RNF215: variants seen among roughly 807,000 people sequenced by gnomAD.
The protein encoded by RNF215 is ring finger protein 215.
A neutral mutation model predicts 44.8 loss-of-function variants in RNF215; 41 were observed. The observed-to-expected ratio is 0.92, with a 90% CI of 0.71 to 1.19. The LOEUF is 1.19. Ranked by LOEUF, RNF215 falls within the 50% of genes most tolerant of loss-of-function variation. The pLI, the probability that RNF215 is intolerant of heterozygous loss-of-function variation, is 0.00. For missense variants in RNF215, 452 were observed against 496.2 expected, an observed-to-expected ratio of 0.91 and a Z score of 0.85; for synonymous variants, 218 against 230.1, an observed-to-expected ratio of 0.95 and a Z score of 0.48.
chr22:30,387,349 AG>A lies in RNF215; in HGVS notation c.-37del. On this transcript the variant is annotated 5_prime_UTR_variant, in exon 1 of 9. Coordinates refer to ENST00000382363, the MANE Select transcript of RNF215 (RefSeq NM_001017981.2). ...GGCGAGCTGGCCCAACAGTGGGGCC[AG>A]GGGTCCCGGGCGCGGGGGGGATCGG... The A allele has an allele frequency of 9.7e-7, 1 of 1,034,678 alleles. No homozygotes were observed. Among genetic ancestry groups the A allele is most frequent in the Non-Finnish European group, 1.2e-6 (1 of 863,540 alleles). 64.1% of individuals were successfully genotyped at this position (1,034,678 alleles called of 1,614,324 possible). A position where few individuals can be genotyped will look rare whatever the true frequency, so the allele number is the denominator to read the frequency against.
chr22:30,387,308 G>T lies in RNF215; in HGVS notation c.6C>A (p.Gly2=). 1 of 1,064,444 alleles carries T rather than the reference G, an allele frequency of 9.4e-7. No homozygotes were observed. The highest frequency in any genetic ancestry group is 1.1e-6 in the Non-Finnish European group (1 of 882,902). The allele number at this position is 1,064,444 out of a possible 1,614,324, so 65.9% of individuals were successfully genotyped here. A position where few individuals can be genotyped will look rare whatever the true frequency, so the allele number is the denominator to read the frequency against. Residue 2 remains glycine, a synonymous_variant, in exon 1 of 9, where the codon GGC becomes GGA. Transcript: ENST00000382363. ...ATCTCAGCGCGGGGCGAGCGGCGGG[G>T]CCCATGGCCGGACCCGGCGAGCTGG... M[G]PAARPALRSP...
Position 30,387,077 on chromosome 22 carries a change from G to T in RNF215, c.237C>A (p.Ile79=). The T allele has an allele frequency of 6.5e-7, 1 of 1,540,862 alleles. No individual in the cohort carries two copies. Reference sequence around the variant, plus strand: ...GGGGCGCCGGGTCGGCTTCGGAGCCGATCCTGACGCCCTCCAGGACCAGAG... The same window carrying T: ...GGGGCGCCGGGTCGGCTTCGGAGCCTATCCTGACGCCCTCCAGGACCAGAG... ...QDALVLEGVR[I]GSEADPAPLL... The change falls in exon 1 of 9, where the codon ATC becomes ATA. Residue 79 remains isoleucine, a synonymous_variant. Coordinates refer to ENST00000382363, the MANE Select transcript of RNF215 (RefSeq NM_001017981.2).
chr22:30,383,314 A>G (rs1450447496), intron 5 of RNF215, among the ~76,000 whole-genome samples: 1 of 152,156 alleles, frequency 6.6e-6, no homozygotes, highest in Non-Finnish European at 1.5e-5. Context: ...TTGAGCAGCC[A>G]GACCCACCTG....
At position 30,379,308 on chromosome 22, in the gene RNF215, C is replaced by G. The variant is rs919203924; in HGVS notation, c.*292G>C. 1 of 491,384 alleles carries G rather than the reference C, an allele frequency of 2.0e-6. No homozygotes were observed. Among genetic ancestry groups the G allele is most frequent in the East Asian group, 3.6e-5 (1 of 27,852 alleles). The allele number at this position is 491,384 out of a possible 1,614,324, so 30.4% of individuals were successfully genotyped here. On this transcript the variant is annotated 3_prime_UTR_variant, in exon 9 of 9. Transcript: ENST00000382363. Reference sequence around the variant, plus strand: ...GCCCCATATTCTCTTTCCTTATTGACCTGGGAGCTGCCTGTAAGGAGGGCA... The same window carrying G: ...GCCCCATATTCTCTTTCCTTATTGAGCTGGGAGCTGCCTGTAAGGAGGGCA...
At position 30,380,206 on chromosome 22, in the gene RNF215, C is replaced by T. The variant is rs1309567409; in HGVS notation, c.865-1G>A. 6.2e-7 allele frequency: 1 copy of T among 1,613,640 alleles called. No individual in the cohort carries two copies. Among genetic ancestry groups the T allele is most frequent in the Admixed American group, 1.7e-5 (1 of 60,006 alleles). On this transcript the variant is annotated splice_acceptor_variant, in intron 6 of 8. Coordinates refer to ENST00000382363, the MANE Select transcript of RNF215 (RefSeq NM_001017981.2). LOFTEE classifies it high-confidence loss of function. The surrounding 1 kb of genome is among the most constrained non-coding windows in gnomAD (Gnocchi z 5.3). ...CCACGCGGCGCTTAAACAGGTCCACCTGTGGGGAGAGGACGGGCACAGTCT... is the reference window on the plus strand; with the variant it reads ...CCACGCGGCGCTTAAACAGGTCCACTTGTGGGGAGAGGACGGGCACAGTCT...
rs545449034 is a variant in RNF215 at position 30,379,628 on chromosome 22, G to C, written c.1112-6C>G. The C allele has an allele frequency of 6.4e-7, 1 of 1,551,622 alleles. No homozygotes were observed. The highest frequency in any genetic ancestry group is 2.0e-5 in the Admixed American group (1 of 51,004). On this transcript the variant is annotated splice_polypyrimidine_tract_variant and splice_region_variant and intron_variant, in intron 8 of 8. Coordinates refer to ENST00000382363, the MANE Select transcript of RNF215 (RefSeq NM_001017981.2). ...ATCATCGGAGTAGCGGTTCCCTGCA[G>C]GGGAGGGGAAGAAGAACAGGGAGAG...
At chr22:30,385,767 A>G (rs1451455580) in intron 4 of RNF215, 137 bp downstream of exon 4, 3 of 717,418 alleles carry the variant, frequency 4.2e-6, no homozygotes, top group Non-Finnish European at 7.2e-6. Flanking sequence ...CCTGGGCAAC[A>G]CGAGTGATAC....
In RNF215 at chr22:30,380,698, C is replaced by G. The variant is rs1933518419; in HGVS notation, c.745-297G>C. Among the ~76,000 whole-genome samples, 6 of 152,152 alleles carry G rather than the reference C, an allele frequency of 3.9e-5. No homozygotes were observed. The South Asian group carries it at 1.2e-3, about 31-fold the overall frequency. Reference sequence around the variant, plus strand: ...GTTTTGCATACACAGAAGCTTCTATCTGGTAGCCTCAGAGACTCCCCAACC... The same window carrying G: ...GTTTTGCATACACAGAAGCTTCTATGTGGTAGCCTCAGAGACTCCCCAACC... On this transcript the variant is annotated intron_variant, in intron 5 of 8. Coordinates refer to ENST00000382363, the MANE Select transcript of RNF215 (RefSeq NM_001017981.2). The surrounding 1 kb of genome is among the most constrained non-coding windows in gnomAD (Gnocchi z 5.3).
rs1337194847 is a variant in RNF215 at position 30,387,269 on chromosome 22, AGGC to A, written c.42_44del (p.Pro20del). On this transcript the variant is annotated inframe_deletion, in exon 1 of 9. Transcript: ENST00000382363. ...GCAGCGGAGACGGAGGCGGCGGCGG[AGGC>A]GGCGGCGGCGATCTCAGCGCGGGGC... 3.4e-5 allele frequency: 36 copies of A among 1,052,612 alleles called. No homozygotes were observed. Among genetic ancestry groups the A allele is most frequent in the East Asian group, 2.8e-4 (4 of 14,132 alleles). The allele number at this position is 1,052,612 out of a possible 1,614,324, so 65.2% of individuals were successfully genotyped here.
At chr22:30,385,719 A>G (rs1024665403) in intron 4 of RNF215, among the ~76,000 whole-genome samples, 185 bp downstream of exon 4, 3 of 150,602 alleles carry the variant, frequency 2.0e-5, no homozygotes, top group Non-Finnish European at 4.4e-5. Flanking sequence ...TGGAAGGCAG[A>G]GGTTCCAGTG....
chr22:30,381,298 C>G (rs553167422), intron 5 of RNF215, among the ~76,000 whole-genome samples: 1 of 152,282 alleles, frequency 6.6e-6, no homozygotes, highest in South Asian at 2.1e-4. Context: ...CCACTCTAAC[C>G]CAGTACCTCC....
chr22:30,385,582 A>G, intron 4 of RNF215, among the ~76,000 whole-genome samples: 1 of 151,818 alleles, frequency 6.6e-6, no homozygotes, highest in African/African-American at 2.4e-5. Flanking sequence ...TCAGGTGTTC[A>G]AGACCAGCCT....
chr22:30,381,937 C>A (rs1266765574), intron 5 of RNF215, among the ~76,000 whole-genome samples: 1 of 152,218 alleles, frequency 6.6e-6, no homozygotes, highest in Non-Finnish European at 1.5e-5. Context: ...GCCGGGGCCA[C>A]CACCAGCTCT....
chr22:30,380,692 T>C lies in RNF215; in HGVS notation c.745-291A>G, dbSNP rs1933518375. Among the ~76,000 whole-genome samples the C allele has an allele frequency of 6.6e-6, 1 of 152,044 alleles. No individual in the cohort carries two copies. Among genetic ancestry groups the C allele is most frequent in the Non-Finnish European group, 1.5e-5 (1 of 67,982 alleles). ...CCTGATGTTTTGCATACACAGAAGC[T>C]TCTATCTGGTAGCCTCAGAGACTCC... On this transcript the variant is annotated intron_variant, in intron 5 of 8. Coordinates refer to ENST00000382363, the MANE Select transcript of RNF215 (RefSeq NM_001017981.2). This position sits in a 1 kb window ranked among gnomAD's most constrained non-coding sequence, Gnocchi z 5.3.
chr22:30,386,795 GGTGT>G, intron 1 of RNF215, 36 bp from the exon 2 acceptor site: 1 of 1,586,620 alleles, frequency 6.3e-7, no homozygotes, highest in Non-Finnish European at 8.5e-7. Flanking sequence ...AGGGAGGTAG[GGTGT>G]GGTGGGGGAG....
At chr22:30,379,885 C>T in intron 7 of RNF215, 72 bp from the exon 8 acceptor site, 1 of 1,519,244 alleles carries the variant, frequency 6.6e-7, no homozygotes, top group Non-Finnish European at 9.0e-7. Context: ...GGTCCCATGC[C>T]CCTCGCCTCA....
intron 5 of RNF215, among the ~76,000 whole-genome samples, chr22:30,381,402 A>G (rs1289695916): frequency 6.6e-6 from 1 of 152,094 alleles, no homozygotes; most frequent in Non-Finnish European, 1.5e-5. Context: ...GCAGCCTCAG[A>G]GTGACTGAGG....
At chr22:30,384,829 T>A in intron 4 of RNF215, 1 of 189,120 alleles carries the variant, frequency 5.3e-6, no homozygotes, top group Non-Finnish European at 1.1e-5. Context: ...TTTTTTTTTT[T>A]GAGACAGGGT....
rs1933592714 is a variant in RNF215, at chr22:30,385,968, G to A, written c.523C>T (p.Leu175Phe). Residue 175 changes from leucine (L) to phenylalanine (F), a missense_variant, in exon 4 of 9, where the codon CTC (leucine) becomes TTC (phenylalanine). Leu to Phe is a conservative substitution (Grantham distance 22, BLOSUM62 0). Transcript: ENST00000382363. ...VRELDISQLLLRPVIVLHYSS... is the reference protein window; with the variant it reads ...VRELDISQLLFRPVIVLHYSS... ...TAATGGAGGACGATCACTGGCCTGA[G>A]CAGAAGCTGGGATATGTCCAGCTGC... 1 of 1,614,180 alleles carries A rather than the reference G, an allele frequency of 6.2e-7. No homozygotes were observed. Among genetic ancestry groups the A allele is most frequent in the East Asian group, 2.2e-5 (1 of 44,888 alleles).
Sources: gnomAD v4.1 joint callset for allele counts (sites outside exome capture counted in the v4.1 genomes callset) on GRCh38, gnomAD v4.1.1 for gene constraint, Gnocchi (gnomAD v3.1) non-coding constraint, MANE v1.5 for transcripts, NCBI Gene and HGNC (gene_info 2026-07-23, HGNC 2026-07-21) for gene names.